Variants in KCNS3 observed in about 807,000 individuals in gnomAD.
KCNS3 encodes delayed-rectifier potassium channel regulatory subunit KCNS3.
In KCNS3, 13 loss-of-function variants were observed where a neutral mutation model predicts 31.0. The observed-to-expected ratio is 0.42, with a 90% confidence interval of 0.27 to 0.67. The LOEUF (loss-of-function observed/expected upper bound fraction) is 0.67. Ranked by LOEUF, KCNS3 falls within the 30% of genes least tolerant of loss-of-function variation. The pLI, the probability that KCNS3 is intolerant of heterozygous loss-of-function variation, is 0.25. For synonymous variants in KCNS3, 238 were observed against 241.5 expected (o/e 0.99, Z 0.13); for missense variants, 545 against 622.4 (o/e 0.88, Z 1.32).
Position 17,917,754 on chromosome 2 carries a change from C to T in KCNS3, c.-177C>T, listed in dbSNP as rs1383756057. On this transcript the variant is annotated 5_prime_UTR_variant, in exon 2 of 3. Transcript: ENST00000304101. ...GGATTCTTCCCTTCTTTTTGGCCACCAAATGCCTATGTGCACCACACATTC... is the reference window on the plus strand; with the variant it reads ...GGATTCTTCCCTTCTTTTTGGCCACTAAATGCCTATGTGCACCACACATTC... The T allele has an allele frequency of 6.6e-6, 1 of 152,624 alleles. No individual in the cohort carries two copies. Among genetic ancestry groups the T allele is most frequent in the Non-Finnish European group, 1.5e-5 (1 of 68,066 alleles). The allele number at this position is 152,624 out of a possible 1,614,324, so 9.5% of individuals were successfully genotyped here.
intron 1 of KCNS3, among the ~76,000 whole-genome samples, chr2:17,882,175 A>C (rs974928817): frequency 1.3e-5 from 2 of 152,192 alleles, no homozygotes; most frequent in Non-Finnish European, 2.9e-5. Context: ...CTGAGCTTGA[A>C]CTTATAGTGG....
intron 1 of KCNS3, among the ~76,000 whole-genome samples, chr2:17,905,569 C>T (rs1397709072): frequency 6.6e-6 from 1 of 152,138 alleles, no homozygotes; most frequent in Non-Finnish European, 1.5e-5. Context: ...CCAGTTTTTG[C>T]CCATTCAGTA....
intron 2 of KCNS3, among the ~76,000 whole-genome samples, chr2:17,924,404 G>C (rs1050902552): frequency 6.6e-6 from 1 of 151,968 alleles, no homozygotes; most frequent in Admixed American, 6.5e-5. Context: ...GAATAAAAGT[G>C]GTGGGATTGG....
rs551952573 is a variant in KCNS3 at position 17,931,591 on chromosome 2, G to A, written c.583G>A (p.Val195Met). 3 of 1,614,188 alleles carry A rather than the reference G, an allele frequency of 1.9e-6. No individual in the cohort carries two copies. The highest frequency in any genetic ancestry group is 2.2e-5 in the East Asian group (1 of 44,870). The change falls in exon 3 of 3, where the codon GTG (valine) becomes ATG (methionine). Residue 195 changes from valine to methionine, a missense_variant. Coordinates refer to ENST00000304101, the MANE Select transcript of KCNS3 (RefSeq NM_002252.5). The surrounding 1 kb of genome is among the most constrained non-coding windows in gnomAD (Gnocchi z 5.4). ...KLIAISSLSV[V>M]LASIVAMCVH... ...TATCGCTATCTCCTCCTTGAGCGTG[G>A]TGCTGGCCTCCATCGTGGCCATGTG...
Position 17,931,027 on chromosome 2 carries a change from T to A in KCNS3, c.19T>A (p.Phe7Ile), listed in dbSNP as rs1662947944. 6.2e-7 allele frequency: 1 copy of A among 1,613,546 alleles called. No individual in the cohort carries two copies. Among genetic ancestry groups the A allele is most frequent in the Admixed American group, 1.7e-5 (1 of 59,988 alleles). Residue 7 changes from phenylalanine (F) to isoleucine (I), a missense_variant, in exon 3 of 3, where the codon TTC becomes ATC. Transcript: ENST00000304101. This position sits in a 1 kb window ranked among gnomAD's most constrained non-coding sequence, Gnocchi z 5.4. ...ATCCACCATGGTGTTTGGTGAGTTT[T>A]TCCATCGCCCTGGACAAGACGAGGA... MVFGEF[F>I]HRPGQDEELV...
At chr2:17,878,531 G>T (rs16981871), upstream of KCNS3, 35,833 of 150,762 alleles carry the variant, frequency 0.24, 5,224 homozygotes, top group East Asian at 0.56. Context: ...GCCCGGCTGC[G>T]GGCCCGAAGC....
At chr2:17,928,966 C>G (rs10201855) in intron 2 of KCNS3, among the ~76,000 whole-genome samples, 32,041 of 152,172 alleles carry the variant, frequency 0.21, 3,933 homozygotes, top group East Asian at 0.47. Flanking sequence ...CCACCCCTAA[C>G]CTGTTCTGTT....
At chr2:17,885,024 A>T (rs190753682) in intron 1 of KCNS3, among the ~76,000 whole-genome samples, 38 of 140,042 alleles carry the variant, frequency 2.7e-4, no homozygotes, top group Middle Eastern at 4.4e-3. Flanking sequence ...AGCATTATTT[A>T]TATGTGTTAA....
At chr2:17,905,909 G>C (rs1662302794) in intron 1 of KCNS3, among the ~76,000 whole-genome samples, 2 of 152,126 alleles carry the variant, frequency 1.3e-5, no homozygotes, top group Admixed American at 1.3e-4. Flanking sequence ...CAAGGATATT[G>C]GTCTAAAATT....
At chr2:17,917,252 T>C (rs1308734368) in intron 1 of KCNS3, among the ~76,000 whole-genome samples, 1 of 152,228 alleles carries the variant, frequency 6.6e-6, no homozygotes, top group Admixed American at 6.5e-5. Flanking sequence ...AATTCTATTA[T>C]AGCAGTAATA....
chr2:17,885,555 T>TGGCTC (rs1661635851), intron 1 of KCNS3, among the ~76,000 whole-genome samples: 1 of 152,216 alleles, frequency 6.6e-6, no homozygotes, highest in Non-Finnish European at 1.5e-5. Context: ...AACACTCCAC[T>TGGCTC]TCAAGTTTGG....
intron 2 of KCNS3, among the ~76,000 whole-genome samples, chr2:17,924,403 T>C (rs1216985259): frequency 6.6e-6 from 1 of 152,094 alleles, no homozygotes; most frequent in Non-Finnish European, 1.5e-5. Flanking sequence ...TGAATAAAAG[T>C]GGTGGGATTG....
At chr2:17,893,968 A>G (rs1293908584) in intron 1 of KCNS3, among the ~76,000 whole-genome samples, 1 of 93,872 alleles carries the variant, frequency 1.1e-5, no homozygotes, top group Non-Finnish European at 1.9e-5. Flanking sequence ...TTTTTTTTTA[A>G]TATATCTATG....
At chr2:17,910,781 A>G (rs970525191) in intron 1 of KCNS3, among the ~76,000 whole-genome samples, 9 of 152,144 alleles carry the variant, frequency 5.9e-5, no homozygotes, top group African/African-American at 2.2e-4. Context: ...CAGGCAATCA[A>G]TCCATTCTCC....
intron 1 of KCNS3, among the ~76,000 whole-genome samples, chr2:17,881,464 T>C (rs912860762): frequency 1.3e-5 from 2 of 152,230 alleles, no homozygotes; most frequent in African/African-American, 4.8e-5. Context: ...TCTGTTTAGC[T>C]GCACTGACCT....
At chr2:17,892,787 T>C (rs545905357) in intron 1 of KCNS3, among the ~76,000 whole-genome samples, 1 of 152,188 alleles carries the variant, frequency 6.6e-6, no homozygotes, top group Non-Finnish European at 1.5e-5. Context: ...TGATATGAAC[T>C]GTCTATGGGT....
At chr2:17,909,265 G>C (rs1662415300) in intron 1 of KCNS3, among the ~76,000 whole-genome samples, 1 of 152,068 alleles carries the variant, frequency 6.6e-6, no homozygotes, top group South Asian at 2.1e-4. Flanking sequence ...GCCATGCATG[G>C]GATATAATCT....
At position 17,905,957 on chromosome 2, in the gene KCNS3, A is replaced by C; in HGVS notation, c.-251-11723A>C. Among the ~76,000 whole-genome samples the C allele has an allele frequency of 1.3e-5, 2 of 152,194 alleles. 1 individual carries two copies. The highest frequency in any genetic ancestry group is 2.9e-5 in the Non-Finnish European group (2 of 68,034). ...TGTGTCTCTGCCAGGCTTTGGTATC[A>C]TGATGATGCTGGCCTGATAAGATGA... On this transcript the variant is annotated intron_variant, in intron 1 of 2. Transcript: ENST00000304101.
In KCNS3 at chr2:17,932,140, C is replaced by A. The variant is rs1394794013; in HGVS notation, c.1132C>A (p.Pro378Thr). Residue 378 changes from proline (P) to threonine (T), a missense_variant, in exon 3 of 3, where the codon CCG becomes ACG. Transcript: ENST00000304101. ...AACTGTGGGCTATGGAGACACCCAC[C>A]CGGTCACCTTGGCGGGAAAGCTCAT... ...MTTVGYGDTH[P>T]VTLAGKLIAS... 6.2e-7 allele frequency: 1 copy of A among 1,613,926 alleles called. No homozygotes were observed. The highest frequency in any genetic ancestry group is 2.2e-5 in the East Asian group (1 of 44,878).
Sources: allele counts gnomAD v4.1 joint callset (sites outside exome capture counted in the v4.1 genomes callset), GRCh38; gene constraint gnomAD v4.1.1; non-coding constraint Gnocchi (gnomAD v3.1); transcripts MANE v1.5; gene names NCBI Gene and HGNC (gene_info 2026-07-23, HGNC 2026-07-21).